Variants in STXBP5L observed in about 807,000 individuals in gnomAD.
STXBP5L encodes the protein syntaxin-binding protein 5-like.
A neutral mutation model predicts 144.5 loss-of-function variants in STXBP5L; 65 were observed. That is an observed-to-expected ratio of 0.45 (90% CI 0.37 to 0.55). The LOEUF (loss-of-function observed/expected upper bound fraction) is 0.55, where lower values mean the gene tolerates loss of function less well. STXBP5L is among the 20% of genes least tolerant of loss of function. STXBP5L has a pLI of 0.00. For synonymous variants in STXBP5L, 505 were observed against 469.6 expected (o/e 1.08, Z -0.97); for missense variants, 1,298 against 1,405.5 (o/e 0.92, Z 1.22).
At chr3:121,004,550 C>T (rs1428907740) in intron 3 of STXBP5L, among the ~76,000 whole-genome samples, 1 of 151,866 alleles carries the variant, frequency 6.6e-6, no homozygotes, top group Non-Finnish European at 1.5e-5. Flanking sequence ...ATTTCCTTCT[C>T]CTGCCTGATT....
At chr3:121,191,038 C>T (rs559708786) in intron 9 of STXBP5L, among the ~76,000 whole-genome samples, 12 of 149,808 alleles carry the variant, frequency 8.0e-5, no homozygotes, top group East Asian at 6.0e-4. Flanking sequence ...TGGGAAGAGG[C>T]GCTCCTCACT....
At chr3:121,126,419 G>A (rs1032679101) in intron 7 of STXBP5L, among the ~76,000 whole-genome samples, 1 of 152,088 alleles carries the variant, frequency 6.6e-6, no homozygotes, top group African/African-American at 2.4e-5. Context: ...TTGGATTTTT[G>A]AAGTTAGGTT....
intron 22 of STXBP5L, among the ~76,000 whole-genome samples, chr3:121,400,761 C>T (rs1176233904): frequency 1.3e-5 from 2 of 152,178 alleles, no homozygotes; most frequent in Non-Finnish European, 2.9e-5. Flanking sequence ...TTCCAACCTT[C>T]CTGAGACTGA....
chr3:121,184,190 G>A (rs1345796353), intron 9 of STXBP5L, among the ~76,000 whole-genome samples: 1 of 151,840 alleles, frequency 6.6e-6, no homozygotes, highest in African/African-American at 2.4e-5. Context: ...ACCAGCAAGG[G>A]AACAAAACTG....
At chr3:121,153,240 C>T (rs914957676) in intron 8 of STXBP5L, among the ~76,000 whole-genome samples, 3 of 151,804 alleles carry the variant, frequency 2.0e-5, no homozygotes, top group Non-Finnish European at 2.9e-5. Context: ...ATATTAATTC[C>T]GGGCCATTAA....
intron 19 of STXBP5L, among the ~76,000 whole-genome samples, chr3:121,288,365 G>C (rs1256045561): frequency 6.6e-6 from 1 of 152,190 alleles, no homozygotes; most frequent in Non-Finnish European, 1.5e-5. Context: ...ATAATAGTGG[G>C]ATTGCTGGGT....
At chr3:121,000,399 T>C (rs760523035) in intron 3 of STXBP5L, among the ~76,000 whole-genome samples, 1 of 152,200 alleles carries the variant, frequency 6.6e-6, no homozygotes, top group Non-Finnish European at 1.5e-5. Context: ...TAGTATATTC[T>C]GCTGTTAGTA....
intron 3 of STXBP5L, among the ~76,000 whole-genome samples, chr3:120,978,670 GT>G (rs141104720): frequency 0.37 from 56,857 of 151,780 alleles, 10,830 homozygotes; most frequent in Non-Finnish European, 0.4. Flanking sequence ...CCCCATCTTT[GT>G]GGTTTTATCT....
rs549698057 is a variant in STXBP5L at position 121,079,133 on chromosome 3, G to T, written c.470+33598G>T. Among the ~76,000 whole-genome samples, 6 of 152,366 alleles carry T rather than the reference G, an allele frequency of 3.9e-5. No individual in the cohort carries two copies. In the East Asian group the frequency reaches 1.2e-3, roughly 29 times the overall value. ...GTCACCACTCAGAGAGACCAAAAAA[G>T]GTGGAGGAAAGTTTATTAAGGTGCT... On this transcript the variant is annotated intron_variant, in intron 5 of 26. Transcript: ENST00000471454.
chr3:120,917,892 C>T (rs532637737), intron 2 of STXBP5L, among the ~76,000 whole-genome samples: 10 of 152,260 alleles, frequency 6.6e-5, no homozygotes, highest in African/African-American at 2.4e-4. Flanking sequence ...GCTTCAATTA[C>T]CAAAAACTTA....
chr3:121,111,233 T>C (rs2043973514), intron 5 of STXBP5L, among the ~76,000 whole-genome samples: 1 of 152,198 alleles, frequency 6.6e-6, no homozygotes, highest in African/African-American at 2.4e-5. Context: ...TGAAGCCTAC[T>C]TCTGTCAATT....
chr3:121,157,753 C>T, intron 9 of STXBP5L, 126 bp downstream of exon 9: 1 of 1,240,476 alleles, frequency 8.1e-7, no homozygotes, highest in Non-Finnish European at 1.1e-6. Flanking sequence ...TTCTAAACAT[C>T]CCTTTTATAC....
intron 5 of STXBP5L, among the ~76,000 whole-genome samples, chr3:121,087,998 A>G (rs1576907712): frequency 6.6e-6 from 1 of 152,044 alleles, no homozygotes; most frequent in East Asian, 1.9e-4. Flanking sequence ...TTTTCCCTAT[A>G]TATATTATGA....
In STXBP5L at chr3:121,193,299, G is replaced by A. The variant is rs958970287; in HGVS notation, c.878-12624G>A. 4.9e-5 allele frequency among the ~76,000 whole-genome samples: 7 copies of A among 142,478 alleles called. 2 individuals carry two copies. The highest frequency in any genetic ancestry group is 7.6e-5 in the Non-Finnish European group (5 of 65,436). The allele number at this position is 142,478 out of a possible 152,430, so 93.5% of individuals were successfully genotyped here. ...ATCGTCTCACACCAGTTAGAATGGC[G>A]ATCATTAAAAAGTCAGGAAACAAGA... On this transcript the variant is annotated intron_variant, in intron 9 of 26. Transcript: ENST00000471454.
At chr3:121,374,928 G>T (rs1413486001) in intron 20 of STXBP5L, among the ~76,000 whole-genome samples, 5 of 147,394 alleles carry the variant, frequency 3.4e-5, no homozygotes, top group Non-Finnish European at 7.4e-5. Context: ...GAAAAATACT[G>T]CATATTCTAA....
At chr3:120,982,613 T>A (rs1260779191) in intron 3 of STXBP5L, among the ~76,000 whole-genome samples, 10 of 152,208 alleles carry the variant, frequency 6.6e-5, no homozygotes, top group African/African-American at 2.4e-4. Context: ...CGAAGTGGCT[T>A]TGGAGTAGAA....
At chr3:121,085,736 T>C in intron 5 of STXBP5L, among the ~76,000 whole-genome samples, 1 of 152,148 alleles carries the variant, frequency 6.6e-6, no homozygotes, top group East Asian at 1.9e-4. Context: ...ATTATGAAAA[T>C]GGCCATATTG....
chr3:121,377,805 C>CA (rs1291302378), intron 20 of STXBP5L, among the ~76,000 whole-genome samples: 1 of 152,160 alleles, frequency 6.6e-6, no homozygotes, highest in Admixed American at 6.5e-5. Flanking sequence ...TTTGACCCAG[C>CA]AATCCCATTA....
chr3:121,145,806 G>A (rs1025338004), intron 7 of STXBP5L, among the ~76,000 whole-genome samples: 1 of 151,976 alleles, frequency 6.6e-6, no homozygotes, highest in Non-Finnish European at 1.5e-5. Context: ...CAGAGAGTTG[G>A]TAAAACATTA....
Sources: allele counts gnomAD v4.1 joint callset (sites outside exome capture counted in the v4.1 genomes callset), GRCh38; gene constraint gnomAD v4.1.1; transcripts MANE v1.5; gene names NCBI Gene and HGNC (gene_info 2026-07-23, HGNC 2026-07-21).